Variants in UGGT2 observed in about 807,000 individuals in gnomAD.
UGGT2 encodes the protein UDP-glucose glycoprotein glucosyltransferase 2.
UGGT2 carries 180 observed loss-of-function variants against 192.1 expected under a neutral mutation model. The ratio of observed to expected loss-of-function variants is 0.94; its 90% CI spans 0.83 to 1.06. UGGT2 has a LOEUF of 1.06. UGGT2 is among the 50% of genes least tolerant of loss of function. The pLI is 0.00. For synonymous variants in UGGT2, 580 were observed against 591.0 expected, an observed-to-expected ratio of 0.98 and a Z score of 0.27; for missense variants, 1,849 against 1,795.7, an observed-to-expected ratio of 1.03 and a Z score of -0.54.
At chr13:95,953,250 T>C (rs1246688888) in intron 12 of UGGT2, among the ~76,000 whole-genome samples, 1 of 152,250 alleles carries the variant, frequency 6.6e-6, no homozygotes, top group Non-Finnish European at 1.5e-5. Context: ...AAACTGTCTT[T>C]GTTCCCTTCA....
At chr13:95,932,846 C>G (rs1233365387) in intron 17 of UGGT2, among the ~76,000 whole-genome samples, 1 of 152,146 alleles carries the variant, frequency 6.6e-6, no homozygotes. Flanking sequence ...TCAAAATGAT[C>G]ACATTTTTTG....
intron 12 of UGGT2, among the ~76,000 whole-genome samples, chr13:95,955,965 G>A (rs975881267): frequency 8.5e-5 from 13 of 152,086 alleles, no homozygotes; most frequent in East Asian, 3.9e-4. Context: ...TAATAGGGTC[G>A]CTGTGCAAAT....
At chr13:95,899,598 C>T (rs1019267188) in intron 22 of UGGT2, among the ~76,000 whole-genome samples, 1 of 152,050 alleles carries the variant, frequency 6.6e-6, no homozygotes, top group South Asian at 2.1e-4. Flanking sequence ...CATAGGATAG[C>T]TTTTCCCTAG....
intron 5 of UGGT2, among the ~76,000 whole-genome samples, chr13:96,005,639 G>A (rs1342080560): frequency 6.6e-6 from 1 of 152,196 alleles, no homozygotes; most frequent in Non-Finnish European, 1.5e-5. Flanking sequence ...GGGAATACCT[G>A]CCAGGCCCAA....
At chr13:96,039,795 C>T (rs778155534) in intron 1 of UGGT2, among the ~76,000 whole-genome samples, 5 of 152,160 alleles carry the variant, frequency 3.3e-5, no homozygotes, top group African/African-American at 4.8e-5. Flanking sequence ...CCAAGTCAGC[C>T]GGTATTGTAT....
intron 1 of UGGT2, among the ~76,000 whole-genome samples, chr13:96,033,136 T>C (rs2052888789): frequency 6.6e-6 from 1 of 152,154 alleles, no homozygotes. Flanking sequence ...CTCAAGGAGA[T>C]CAGAGAGGAC....
chr13:95,820,630 G>A (rs1365553438), intron 38 of UGGT2, among the ~76,000 whole-genome samples: 1 of 151,964 alleles, frequency 6.6e-6, no homozygotes, highest in Non-Finnish European at 1.5e-5. Context: ...AATAGCTTTT[G>A]GGGTGCAAGT....
At chr13:95,949,512 G>A in intron 12 of UGGT2, 58 bp from the exon 13 acceptor site, 1 of 1,363,268 alleles carries the variant, frequency 7.3e-7, no homozygotes, top group Non-Finnish European at 9.6e-7. Flanking sequence ...CATTTTCAAA[G>A]CCAGATTTTT....
chr13:95,926,569 G>A (rs369723737), intron 19 of UGGT2, among the ~76,000 whole-genome samples: 171 of 152,164 alleles, frequency 1.1e-3, no homozygotes, highest in African/African-American at 3.7e-3. Flanking sequence ...ACAAATCTAC[G>A]GTCCCACTGC....
rs10713359 is a variant in UGGT2 at position 95,855,106 on chromosome 13, T to TAA, written c.4009-633_4009-632dup. Among the ~76,000 whole-genome samples, 114 of 49,956 alleles carry TAA rather than the reference T, an allele frequency of 2.3e-3. 1 individual carries two copies. The highest frequency in any genetic ancestry group is 5.0e-3 in the African/African-American group (58 of 11,584). 32.8% of individuals were successfully genotyped at this position (49,956 alleles called of 152,430 possible). A position where few individuals can be genotyped will look rare whatever the true frequency, so the allele number is the denominator to read the frequency against. On this transcript the variant is annotated intron_variant, in intron 34 of 38. Transcript: ENST00000376747. ...GGGCAACACAGTGAGACCCTGTCTG[T>TAA]AAAAAAAAAAAAAAAAAAAAAAAAA...
intron 17 of UGGT2, among the ~76,000 whole-genome samples, chr13:95,935,741 T>C (rs2049441615): frequency 6.6e-6 from 1 of 152,224 alleles, no homozygotes; most frequent in South Asian, 2.1e-4. Flanking sequence ...TTGTTTACTT[T>C]TTCTCCTTTT....
intron 4 of UGGT2, among the ~76,000 whole-genome samples, chr13:96,014,390 G>A (rs1272488259): frequency 6.6e-6 from 1 of 152,186 alleles, no homozygotes; most frequent in African/African-American, 2.4e-5. Context: ...TTTGAGATCA[G>A]GCAGAATTGG....
intron 38 of UGGT2, among the ~76,000 whole-genome samples, chr13:95,821,049 C>T (rs540758022): frequency 3.9e-5 from 6 of 152,028 alleles, no homozygotes; most frequent in Non-Finnish European, 7.4e-5. Flanking sequence ...CTGCTACAAA[C>T]GTGTGTGCAT....
chr13:95,876,667 T>C (rs118118104), intron 29 of UGGT2, among the ~76,000 whole-genome samples: 1,634 of 152,266 alleles, frequency 0.011, 14 homozygotes, highest in South Asian at 0.025. Context: ...ATGCATGTAA[T>C]GTAAATTATC....
intron 38 of UGGT2, among the ~76,000 whole-genome samples, chr13:95,821,597 T>G (rs937564944): frequency 6.6e-6 from 1 of 152,132 alleles, no homozygotes; most frequent in Admixed American, 6.5e-5. Flanking sequence ...CATTTACTTA[T>G]TTTTGTTCCA....
chr13:95,924,584 C>T (rs1311051190), intron 20 of UGGT2, among the ~76,000 whole-genome samples: 1 of 151,776 alleles, frequency 6.6e-6, no homozygotes, highest in Non-Finnish European at 1.5e-5. Flanking sequence ...GTATTCATGC[C>T]CTGTAAAGCA....
Position 95,901,411 on chromosome 13 carries a change from G to C in UGGT2, c.2503-473C>G, listed in dbSNP as rs569734284. Among the ~76,000 whole-genome samples, 8 of 152,028 alleles carry C rather than the reference G, an allele frequency of 5.3e-5. No homozygotes were observed. In the East Asian group the frequency reaches 1.4e-3, roughly 26 times the overall value. Reference sequence around the variant, plus strand: ...TATGGAAATAATAAAAGTAATGCTTGGTCAAAGTAAAAAAATATATGGACA... The same window carrying C: ...TATGGAAATAATAAAAGTAATGCTTCGTCAAAGTAAAAAAATATATGGACA... On this transcript the variant is annotated intron_variant, in intron 21 of 38. Transcript: ENST00000376747.
intron 12 of UGGT2, among the ~76,000 whole-genome samples, chr13:95,964,135 A>G (rs1255090788): frequency 1.3e-5 from 2 of 152,210 alleles, no homozygotes; most frequent in Non-Finnish European, 2.9e-5. Flanking sequence ...GACCAATGGA[A>G]GAGAACAGAG....
intron 6 of UGGT2, 59 bp downstream of exon 6, chr13:95,999,151 TA>T: frequency 1.4e-6 from 2 of 1,415,598 alleles, no homozygotes; most frequent in Non-Finnish European, 2.0e-6. Flanking sequence ...TTTAAAAAAC[TA>T]AAGTATGTAA....
Sources: gnomAD v4.1 joint callset for allele counts (sites outside exome capture counted in the v4.1 genomes callset) on GRCh38, gnomAD v4.1.1 for gene constraint, MANE v1.5 for transcripts, NCBI Gene and HGNC (gene_info 2026-07-23, HGNC 2026-07-21) for gene names.